The following GRIA1 variants were observed in gnomAD, a reference collection of about 807,000 sequenced individuals.
GRIA1 encodes glutamate receptor 1.
In GRIA1, 31 loss-of-function variants were observed where a neutral mutation model predicts 99.2. That is an observed-to-expected ratio of 0.31 (90% CI 0.23 to 0.42). The LOEUF is 0.42. GRIA1 is among the 10% of genes least tolerant of loss of function. The pLI is 1.00. For missense variants in GRIA1, 782 were observed against 1,157.5 expected, an observed-to-expected ratio of 0.68 and a Z score of 4.71; for synonymous variants, 438 against 432.4, an observed-to-expected ratio of 1.01 and a Z score of -0.16.
At chr5:153,493,716 G>C (rs1408992169) in intron 1 of GRIA1, among the ~76,000 whole-genome samples, 2 of 152,148 alleles carry the variant, frequency 1.3e-5, no homozygotes, top group African/African-American at 2.4e-5. Context: ...CAAAGTAATA[G>C]ATATTAGAGG....
At chr5:153,533,124 G>T (rs567752279) in intron 2 of GRIA1, among the ~76,000 whole-genome samples, 2 of 152,118 alleles carry the variant, frequency 1.3e-5, no homozygotes, top group Non-Finnish European at 1.5e-5. Context: ...ACAGAATGTT[G>T]TCTGAGCTGA....
At chr5:153,718,771 C>T (rs1581529952) in intron 11 of GRIA1, among the ~76,000 whole-genome samples, 1 of 152,330 alleles carries the variant, frequency 6.6e-6, no homozygotes, top group East Asian at 1.9e-4. Context: ...CTGAGACTCA[C>T]TGACAGGCAT....
Position 153,807,220 on chromosome 5 carries a change from C to T in GRIA1, c.2521-3805C>T, listed in dbSNP as rs996748682. ...TAGTGGGAAGGCACCCTACAGGCAT[C>T]CCTTCCACAAAGACATACTGAGCAC... On this transcript the variant is annotated intron_variant, in intron 15 of 15. Transcript: ENST00000285900. Among the ~76,000 whole-genome samples, 3 of 152,296 alleles carry T rather than the reference C, an allele frequency of 2.0e-5. No individual in the cohort carries two copies. The East Asian group carries it at 5.8e-4, about 29-fold the overall frequency.
intron 11 of GRIA1, among the ~76,000 whole-genome samples, chr5:153,739,293 GT>G (rs1244908651): frequency 1.3e-5 from 2 of 152,034 alleles, no homozygotes; most frequent in Admixed American, 6.6e-5. Flanking sequence ...AAGGTCTTTG[GT>G]TTTTGTTATT....
intron 13 of GRIA1, among the ~76,000 whole-genome samples, chr5:153,789,318 CAT>C (rs70978507): frequency 0.091 from 13,373 of 147,412 alleles, 824 homozygotes; most frequent in Non-Finnish European, 0.13. Flanking sequence ...TTTGATATTA[CAT>C]ATATATATAT....
intron 5 of GRIA1, among the ~76,000 whole-genome samples, chr5:153,667,401 T>C (rs754079027): frequency 6.6e-6 from 1 of 152,208 alleles, no homozygotes; most frequent in African/African-American, 2.4e-5. Flanking sequence ...CCTTTCATCC[T>C]TCGATAGCTA....
chr5:153,644,320 G>A (rs1256409645), intron 2 of GRIA1, among the ~76,000 whole-genome samples: 2 of 152,160 alleles, frequency 1.3e-5, no homozygotes, highest in African/African-American at 4.8e-5. Context: ...TAGGGTGGAG[G>A]AGAAAATAGT....
intron 13 of GRIA1, among the ~76,000 whole-genome samples, chr5:153,777,865 C>T (rs73281006): frequency 0.012 from 1,830 of 152,268 alleles, 28 homozygotes; most frequent in African/African-American, 0.042. Context: ...GAGCCTGCTG[C>T]TGCTGATAAA....
chr5:153,737,917 A>AC (rs988425522), intron 11 of GRIA1, among the ~76,000 whole-genome samples: 1 of 152,110 alleles, frequency 6.6e-6, no homozygotes, highest in African/African-American at 2.4e-5. Context: ...CCCAGGGCCT[A>AC]CCCCATTTCT....
At chr5:153,773,993 G>A (rs1362212737) in intron 13 of GRIA1, among the ~76,000 whole-genome samples, 1 of 151,636 alleles carries the variant, frequency 6.6e-6, no homozygotes, top group Non-Finnish European at 1.5e-5. Context: ...CAATAATATA[G>A]AGGTTCCACA....
chr5:153,752,934 A>G (rs1356679616), intron 11 of GRIA1, among the ~76,000 whole-genome samples: 1 of 152,228 alleles, frequency 6.6e-6, no homozygotes, highest in Non-Finnish European at 1.5e-5. Flanking sequence ...GATTCAAAAA[A>G]TGAGAAGGAT....
At chr5:153,605,680 G>C (rs1765378215) in intron 2 of GRIA1, among the ~76,000 whole-genome samples, 4 of 152,162 alleles carry the variant, frequency 2.6e-5, no homozygotes, top group Admixed American at 2.6e-4. Context: ...AGCCCTCCTG[G>C]TGGGGGTGTA....
At chr5:153,558,929 G>A (rs1292200455) in intron 2 of GRIA1, among the ~76,000 whole-genome samples, 1 of 152,136 alleles carries the variant, frequency 6.6e-6, no homozygotes, top group African/African-American at 2.4e-5. Flanking sequence ...TTTAAGCTCT[G>A]TGGTCTGGCT....
intron 2 of GRIA1, among the ~76,000 whole-genome samples, chr5:153,637,985 T>G (rs1395398670): frequency 6.6e-6 from 1 of 152,162 alleles, no homozygotes; most frequent in Non-Finnish European, 1.5e-5. Flanking sequence ...TGAAAAGGCA[T>G]AAATACACAA....
At chr5:153,709,716 G>C (rs1243003484) in intron 11 of GRIA1, among the ~76,000 whole-genome samples, 1 of 152,144 alleles carries the variant, frequency 6.6e-6, no homozygotes, top group African/African-American at 2.4e-5. Flanking sequence ...AAAAAGTGTT[G>C]CCTTCTATTT....
intron 11 of GRIA1, among the ~76,000 whole-genome samples, chr5:153,727,526 A>G (rs1005027492): frequency 6.6e-6 from 1 of 152,224 alleles, no homozygotes. Flanking sequence ...ATGATAAGCA[A>G]CTTCAGCAAA....
intron 7 of GRIA1, among the ~76,000 whole-genome samples, chr5:153,684,663 A>C (rs1442180136): frequency 1.3e-5 from 2 of 152,348 alleles, no homozygotes; most frequent in Non-Finnish European, 2.9e-5. Flanking sequence ...ACTGGAAATA[A>C]GGGAACACTA....
chr5:153,661,759 C>T (rs1175626680), intron 5 of GRIA1, among the ~76,000 whole-genome samples: 1 of 152,138 alleles, frequency 6.6e-6, no homozygotes, highest in East Asian at 1.9e-4. Flanking sequence ...TCTTTTAGCA[C>T]CTATGCTAGA....
At chr5:153,717,634 A>G (rs1759761071) in intron 11 of GRIA1, among the ~76,000 whole-genome samples, 1 of 152,152 alleles carries the variant, frequency 6.6e-6, no homozygotes, top group East Asian at 1.9e-4. Flanking sequence ...CACCTTAGAA[A>G]CACACAGAGT....
Sources: allele counts gnomAD v4.1 joint callset (sites outside exome capture counted in the v4.1 genomes callset), GRCh38; gene constraint gnomAD v4.1.1; transcripts MANE v1.5; gene names NCBI Gene and HGNC (gene_info 2026-07-23, HGNC 2026-07-21).